Variants in WDR27 observed in about 807,000 individuals in gnomAD.
The protein encoded by WDR27 is WD repeat domain 27.
In WDR27, 100 loss-of-function variants were observed where a neutral mutation model predicts 114.4. The observed-to-expected ratio is 0.87, with a 90% CI of 0.74 to 1.03. WDR27 has a LOEUF of 1.03. WDR27 is among the 50% of genes least tolerant of loss of function. The pLI, the probability that WDR27 is intolerant of heterozygous loss-of-function variation, is 0.00. For missense variants in WDR27, 1,129 were observed against 1,092.9 expected (o/e 1.03, Z -0.47); for synonymous variants, 449 against 423.1 (o/e 1.06, Z -0.75).
At chr6:169,522,765 A>G (rs558346537) in intron 25 of WDR27, among the ~76,000 whole-genome samples, 94 of 152,140 alleles carry the variant, frequency 6.2e-4, no homozygotes, top group African/African-American at 2.1e-3. Flanking sequence ...AATATCTTAA[A>G]AAAATAAAAT....
At chr6:169,665,918 G>A (rs773033253) in intron 6 of WDR27, among the ~76,000 whole-genome samples, 4 of 152,170 alleles carry the variant, frequency 2.6e-5, no homozygotes, top group African/African-American at 4.8e-5. Context: ...CAGCACTGCC[G>A]TTTAATCGAC....
At chr6:169,472,075 A>G (rs1489146225) in intron 25 of WDR27, among the ~76,000 whole-genome samples, 6 of 152,230 alleles carry the variant, frequency 3.9e-5, no homozygotes, top group Admixed American at 3.9e-4. Context: ...ACCATCATTC[A>G]GCCCATAGCA....
chr6:169,452,211 C>CT, the WDR27 span, among the ~76,000 whole-genome samples: 3 of 152,366 alleles, frequency 2.0e-5, no homozygotes, highest in Non-Finnish European at 1.5e-5. Context: ...CCTCATGCCT[C>CT]TGCAATGCTC....
At chr6:169,645,023 T>TAAAAAAAAAAATAAAAAAAA (rs1820200961) in intron 16 of WDR27, among the ~76,000 whole-genome samples, 6 of 46,944 alleles carry the variant, frequency 1.3e-4, no homozygotes, top group Non-Finnish European at 2.4e-4. Context: ...AAAAAAAAAA[T>TAAAAAAAAAAATAAAAAAAA]AAAAAAAAAA....
chr6:169,645,008 CAAAAAAAAAAAAAATA>C (rs1820182783), intron 16 of WDR27, among the ~76,000 whole-genome samples: 1 of 8,186 alleles, frequency 1.2e-4, no homozygotes, highest in African/African-American at 8.3e-4. Context: ...GACTCCGTCT[CAAAAAAAAAAAAAATA>C]AAAAAAAAAA....
intron 25 of WDR27, among the ~76,000 whole-genome samples, chr6:169,556,872 G>A (rs890714002): frequency 6.6e-6 from 1 of 152,038 alleles, no homozygotes; most frequent in Non-Finnish European, 1.5e-5. Context: ...ATACTACTCC[G>A]CAACCACCTC....
In WDR27 at chr6:169,624,394, C is replaced by T. The variant is rs182846281; in HGVS notation, c.2223+8553G>A. 2.5e-4 allele frequency among the ~76,000 whole-genome samples: 38 copies of T among 152,260 alleles called. No homozygotes were observed. In the East Asian group the frequency reaches 7.0e-3, roughly 28 times the overall value. On this transcript the variant is annotated intron_variant, in intron 21 of 25. Transcript: ENST00000448612. ...CCTTCCAGGTGTGCAAAAGGAGATT[C>T]GAAGCTCACCAGAGTGCAGCCCCTC... is the stretch of plus-strand genomic sequence containing the variant.
the WDR27 span, among the ~76,000 whole-genome samples, chr6:169,444,168 G>C: frequency 6.6e-6 from 1 of 152,120 alleles, no homozygotes; most frequent in Non-Finnish European, 1.5e-5. Flanking sequence ...ATCCCTATTT[G>C]CCCATATCCT....
At chr6:169,625,308 A>G (rs551539578) in intron 21 of WDR27, among the ~76,000 whole-genome samples, 25 of 152,216 alleles carry the variant, frequency 1.6e-4, no homozygotes, top group African/African-American at 6.0e-4. Context: ...AGACTCTCAC[A>G]GGAGAGAGGA....
At chr6:169,517,654 G>T (rs1262549553) in intron 25 of WDR27, among the ~76,000 whole-genome samples, 1 of 152,112 alleles carries the variant, frequency 6.6e-6, no homozygotes, top group Non-Finnish European at 1.5e-5. Flanking sequence ...GGAAGTTCTG[G>T]CAACAATGGA....
At chr6:169,534,972 C>CAA (rs34844549) in intron 25 of WDR27, among the ~76,000 whole-genome samples, 185 of 147,416 alleles carry the variant, frequency 1.3e-3, no homozygotes, top group Admixed American at 2.1e-3. Flanking sequence ...TATAATTTTA[C>CAA]AAAAAAAAAA....
chr6:169,647,814 G>A lies in WDR27; in HGVS notation c.1616C>T (p.Ala539Val). The change falls in exon 16 of 26, where the codon GCC becomes GTC. Residue 539 changes from alanine to valine, a missense_variant. By Grantham distance (64) the Ala-to-Val change is moderately conservative. Transcript: ENST00000448612. ...VPTKPGPQVA[A>V]APTCTRVCCI... ...GCATACACGTGTGCAGGTGGGGGCG[G>A]CAGCGACCTGGGGGCCGGGCTTGGT... 1 of 1,584,400 alleles carries A rather than the reference G, an allele frequency of 6.3e-7. No homozygotes were observed. The highest frequency in any genetic ancestry group is 8.6e-7 in the Non-Finnish European group (1 of 1,166,454).
intron 1 of WDR27, among the ~76,000 whole-genome samples, chr6:169,693,630 G>C (rs1424000930): frequency 6.6e-6 from 1 of 151,898 alleles, no homozygotes; most frequent in Admixed American, 6.6e-5. Flanking sequence ...TAAGGTAAAG[G>C]AGAGGAAAAA....
At chr6:169,473,119 A>G (rs1437201622) in intron 25 of WDR27, among the ~76,000 whole-genome samples, 2 of 152,380 alleles carry the variant, frequency 1.3e-5, no homozygotes, top group African/African-American at 4.8e-5. Context: ...AAATGGCAAC[A>G]AAGAAAAAGC....
intron 25 of WDR27, among the ~76,000 whole-genome samples, chr6:169,498,499 T>C (rs1790693559): frequency 6.6e-6 from 1 of 152,188 alleles, no homozygotes; most frequent in South Asian, 2.1e-4. Context: ...GATCAGGGAC[T>C]TAAATGTAAA....
chr6:169,587,217 T>TTTC (rs1554299606), intron 23 of WDR27, among the ~76,000 whole-genome samples: 2 of 131,226 alleles, frequency 1.5e-5, no homozygotes, highest in Non-Finnish European at 1.6e-5. Flanking sequence ...GGATTTTCTT[T>TTTC]TTTTTTTTTT....
At chr6:169,446,886 G>A in the WDR27 span, among the ~76,000 whole-genome samples, 10 of 152,152 alleles carry the variant, frequency 6.6e-5, no homozygotes, top group East Asian at 1.9e-4. Context: ...GATTAAAAGC[G>A]GCCACTTCTC....
chr6:169,655,928 T>TA (rs1011042157), intron 13 of WDR27, among the ~76,000 whole-genome samples: 1 of 152,224 alleles, frequency 6.6e-6, no homozygotes, highest in African/African-American at 2.4e-5. Context: ...TTCAGCGTGT[T>TA]AGCCATGATG....
chr6:169,648,379 T>C (rs1045722607), intron 15 of WDR27, among the ~76,000 whole-genome samples: 1 of 152,114 alleles, frequency 6.6e-6, no homozygotes, highest in African/African-American at 2.4e-5. Context: ...GAGAGCCAAA[T>C]GCAGAAGAGC....
Sources: gnomAD v4.1 joint callset for allele counts (sites outside exome capture counted in the v4.1 genomes callset) on GRCh38, gnomAD v4.1.1 for gene constraint, MANE v1.5 for transcripts, NCBI Gene and HGNC (gene_info 2026-07-23, HGNC 2026-07-21) for gene names.